OTOGL: variants seen among roughly 807,000 people sequenced by gnomAD.
OTOGL encodes the protein otogelin-like protein.
In OTOGL, 285 loss-of-function variants were observed where a neutral mutation model predicts 318.5. The observed-to-expected ratio is 0.89, with a 90% CI of 0.81 to 0.99. The LOEUF (loss-of-function observed/expected upper bound fraction) is 0.99, where lower values mean the gene tolerates loss of function less well. OTOGL is among the 50% of genes least tolerant of loss of function. OTOGL has a pLI of 0.00. For missense variants in OTOGL, 2,899 were observed against 2,845.6 expected (o/e 1.02, Z -0.43); for synonymous variants, 987 against 936.5 (o/e 1.05, Z -0.99).
At chr12:80,132,986 CT>C (rs1378152180) in intron 1 of OTOGL, among the ~76,000 whole-genome samples, 1 of 152,106 alleles carries the variant, frequency 6.6e-6, no homozygotes, top group Non-Finnish European at 1.5e-5. Flanking sequence ...TCTCCTGTTA[CT>C]TTTGTTTAAA....
intron 1 of OTOGL, among the ~76,000 whole-genome samples, chr12:80,109,023 A>G (rs1267392941): frequency 6.7e-6 from 1 of 150,232 alleles, no homozygotes; most frequent in Admixed American, 6.7e-5. Context: ...TGGCTTTAAG[A>G]CAGCTCTTAT....
At chr12:80,104,800 G>A (rs751113329) in intron 1 of OTOGL, among the ~76,000 whole-genome samples, 1 of 151,934 alleles carries the variant, frequency 6.6e-6, no homozygotes, top group Non-Finnish European at 1.5e-5. Flanking sequence ...AAACATACTC[G>A]AAAATAAAAA....
chr12:80,213,380 T>C (rs1050506780), intron 4 of OTOGL, among the ~76,000 whole-genome samples: 1 of 152,154 alleles, frequency 6.6e-6, no homozygotes, highest in African/African-American at 2.4e-5. Flanking sequence ...GCCGGTTTCT[T>C]TACTGCAGGG....
intron 1 of OTOGL, among the ~76,000 whole-genome samples, chr12:80,170,246 T>A: frequency 6.6e-6 from 1 of 151,584 alleles, no homozygotes; most frequent in Non-Finnish European, 1.5e-5. Flanking sequence ...TATGTATGTG[T>A]GTGTGTATGT....
chr12:80,251,935 T>C (rs1881592378), intron 12 of OTOGL, 136 bp downstream of exon 12: 9 of 1,199,618 alleles, frequency 7.5e-6, no homozygotes, highest in Non-Finnish European at 9.9e-6. Context: ...ACTTGCATAC[T>C]TTTTGAAACA....
intron 26 of OTOGL, among the ~76,000 whole-genome samples, chr12:80,294,090 A>T (rs968061818): frequency 1.3e-5 from 2 of 152,108 alleles, no homozygotes; most frequent in East Asian, 3.9e-4. Context: ...TGACACATTG[A>T]TGTTGACCTT....
At position 80,145,904 on chromosome 12, in the gene OTOGL, A is replaced by AT. The variant is rs1188351080; in HGVS notation, c.-20+46303dup. 2.6e-5 allele frequency among the ~76,000 whole-genome samples: 4 copies of AT among 151,294 alleles called. No individual in the cohort carries two copies. In the East Asian group the frequency reaches 7.8e-4, roughly 29 times the overall value. On this transcript the variant is annotated intron_variant, in intron 1 of 58. Coordinates refer to ENST00000547103, the MANE Select transcript of OTOGL (RefSeq NM_001378609.3). ...GAATGCTTGTGATTTTTGTACATTG[A>AT]TTTTGTATCCTGAGACTTTGCTGAA...
chr12:80,319,874 A>G (rs1887210571), intron 33 of OTOGL, among the ~76,000 whole-genome samples: 1 of 152,202 alleles, frequency 6.6e-6, no homozygotes, highest in Non-Finnish European at 1.5e-5. Context: ...GGAAATGGAC[A>G]ATAATGTTGG....
intron 34 of OTOGL, 31 bp downstream of exon 34, chr12:80,320,731 C>A (rs1038268489): frequency 1.8e-5 from 27 of 1,520,400 alleles, no homozygotes; most frequent in Non-Finnish European, 1.8e-6. Flanking sequence ...AAAAAGAGAA[C>A]AAATAGGTAA....
chr12:80,209,156 G>A (rs1877042569), intron 1 of OTOGL, among the ~76,000 whole-genome samples: 1 of 152,078 alleles, frequency 6.6e-6, no homozygotes, highest in African/African-American at 2.4e-5. Flanking sequence ...GGCTAAAAAG[G>A]CCTATGATGT....
chr12:80,289,191 C>T (rs193172370), intron 26 of OTOGL, among the ~76,000 whole-genome samples: 1 of 152,168 alleles, frequency 6.6e-6, no homozygotes, highest in Non-Finnish European at 1.5e-5. Context: ...GAGGTTTACT[C>T]CAAACCCTGC....
intron 1 of OTOGL, among the ~76,000 whole-genome samples, chr12:80,153,820 T>G (rs1049917000): frequency 2.6e-5 from 4 of 152,186 alleles, no homozygotes; most frequent in African/African-American, 7.2e-5. Flanking sequence ...TGTAGACATT[T>G]CAGATTGGCT....
chr12:80,342,688 C>G (rs1888859155), intron 44 of OTOGL, among the ~76,000 whole-genome samples: 1 of 152,052 alleles, frequency 6.6e-6, no homozygotes, highest in East Asian at 1.9e-4. Flanking sequence ...GATCACTTAA[C>G]TATAATTTAG....
intron 6 of OTOGL, among the ~76,000 whole-genome samples, 152 bp from the exon 7 acceptor site, chr12:80,221,939 A>C (rs1319705616): frequency 6.6e-6 from 1 of 152,168 alleles, no homozygotes; most frequent in East Asian, 1.9e-4. Context: ...TTTGAGAGCA[A>C]CTGTTAATTT....
intron 11 of OTOGL, among the ~76,000 whole-genome samples, chr12:80,249,276 T>C (rs1175865312): frequency 6.6e-6 from 1 of 151,386 alleles, no homozygotes; most frequent in East Asian, 1.9e-4. Context: ...CTGTTGTGTT[T>C]TTTCCCCATC....
chr12:80,149,132 G>T (rs895227887), intron 1 of OTOGL, among the ~76,000 whole-genome samples: 2 of 152,182 alleles, frequency 1.3e-5, no homozygotes, highest in African/African-American at 2.4e-5. Context: ...GAGGCGCTCT[G>T]CTTTTTAGAG....
intron 1 of OTOGL, among the ~76,000 whole-genome samples, chr12:80,205,657 CAT>C (rs1876761041): frequency 6.6e-6 from 1 of 152,136 alleles, no homozygotes; most frequent in African/African-American, 2.4e-5. Flanking sequence ...CAAATGATAA[CAT>C]AAATTCTGGA....
At chr12:80,137,088 T>G (rs1019400731) in intron 1 of OTOGL, among the ~76,000 whole-genome samples, 9 of 152,164 alleles carry the variant, frequency 5.9e-5, no homozygotes, top group Admixed American at 2.6e-4. Flanking sequence ...AGAAGGACTA[T>G]TTTCCTCTCC....
rs185220706 is a variant in OTOGL at position 80,289,841 on chromosome 12, G to T, written c.2929-6986G>T. On this transcript the variant is annotated intron_variant, in intron 26 of 58. Coordinates refer to ENST00000547103, the MANE Select transcript of OTOGL (RefSeq NM_001378609.3). The stretch of plus-strand genomic sequence containing the variant: ...TCTTAGCTTGCTGGGCTCCATGGGG[G>T]TGGGACCCGCTGAGTGAGACCACTT... 1.8e-3 allele frequency among the ~76,000 whole-genome samples: 270 copies of T among 152,300 alleles called. 3 individuals carry two copies. Among genetic ancestry groups the T allele is most frequent in the African/African-American group, 6.3e-3 (261 of 41,564 alleles).
Sources: gnomAD v4.1 joint callset for allele counts (sites outside exome capture counted in the v4.1 genomes callset) on GRCh38, gnomAD v4.1.1 for gene constraint, MANE v1.5 for transcripts, NCBI Gene and HGNC (gene_info 2026-07-23, HGNC 2026-07-21) for gene names.